The following GRIN2B variants were observed in gnomAD, a reference collection of about 807,000 sequenced individuals.
GRIN2B encodes the protein glutamate ionotropic receptor NMDA type subunit 2B.
A neutral mutation model predicts 114.5 loss-of-function variants in GRIN2B; 5 were observed. The ratio of observed to expected loss-of-function variants is 0.04; its 90% CI spans 0.02 to 0.09. The LOEUF (loss-of-function observed/expected upper bound fraction) is 0.09, where lower values mean the gene tolerates loss of function less well. Ranked by LOEUF, GRIN2B falls within the 10% of genes least tolerant of loss-of-function variation. GRIN2B has a pLI of 1.00. For synonymous variants in GRIN2B, 787 were observed against 745.1 expected (o/e 1.06, Z -0.92); for missense variants, 1,108 against 1,943.5 (o/e 0.57, Z 8.08).
intron 4 of GRIN2B, among the ~76,000 whole-genome samples, chr12:13,717,264 A>C (rs909940553): frequency 6.6e-6 from 1 of 151,944 alleles, no homozygotes; most frequent in African/African-American, 2.4e-5. Context: ...GGCCGACTCT[A>C]AAATATACTG....
intron 5 of GRIN2B, among the ~76,000 whole-genome samples, chr12:13,647,287 T>C (rs1407641957): frequency 2.0e-5 from 3 of 152,088 alleles, no homozygotes; most frequent in Non-Finnish European, 2.9e-5. Flanking sequence ...AAGAGGAAAT[T>C]AAGCTTTGGA....
chr12:13,638,643 G>C (rs77910032), intron 5 of GRIN2B, among the ~76,000 whole-genome samples: 4,275 of 152,150 alleles, frequency 0.028, 76 homozygotes, highest in South Asian at 0.077. Context: ...GTCCATCTCT[G>C]TTTGAACTCT....
At chr12:13,790,192 T>C (rs1864296675) in intron 3 of GRIN2B, among the ~76,000 whole-genome samples, 1 of 152,114 alleles carries the variant, frequency 6.6e-6, no homozygotes, top group Non-Finnish European at 1.5e-5. Flanking sequence ...CTGTAGTAAA[T>C]CTCTAAGCCT....
At chr12:13,633,694 C>T (rs992838721) in intron 5 of GRIN2B, among the ~76,000 whole-genome samples, 1 of 152,188 alleles carries the variant, frequency 6.6e-6, no homozygotes, top group Admixed American at 6.5e-5. Context: ...CTGGTCTTAA[C>T]TTATATCTTT....
chr12:13,855,721 AG>A (rs1361054794), intron 3 of GRIN2B, among the ~76,000 whole-genome samples: 2 of 152,250 alleles, frequency 1.3e-5, no homozygotes, highest in African/African-American at 4.8e-5. Flanking sequence ...AAATAATTCA[AG>A]ATGATCTCAT....
intron 3 of GRIN2B, among the ~76,000 whole-genome samples, chr12:13,803,800 G>A (rs220573): frequency 0.38 from 58,321 of 151,904 alleles, 11,434 homozygotes; most frequent in East Asian, 0.55. Context: ...CAACACACAT[G>A]TGGAAACAAC....
chr12:13,824,594 C>G (rs1864995863), intron 3 of GRIN2B, among the ~76,000 whole-genome samples: 1 of 152,122 alleles, frequency 6.6e-6, no homozygotes, highest in African/African-American at 2.4e-5. Flanking sequence ...GTGGCTCACG[C>G]CTGTAATCCC....
intron 2 of GRIN2B, among the ~76,000 whole-genome samples, chr12:13,941,865 A>T (rs1412594476): frequency 6.6e-6 from 1 of 152,248 alleles, no homozygotes; most frequent in Admixed American, 6.5e-5. Flanking sequence ...CCCAACTGTG[A>T]CTAATTCTAT....
intron 4 of GRIN2B, among the ~76,000 whole-genome samples, chr12:13,713,414 G>A (rs1484381475): frequency 2.0e-5 from 3 of 151,834 alleles, no homozygotes; most frequent in Non-Finnish European, 2.9e-5. Flanking sequence ...ACGAAGACAG[G>A]CAGTATGACT....
intron 2 of GRIN2B, among the ~76,000 whole-genome samples, chr12:13,914,638 T>G (rs73059608): frequency 0.1 from 15,824 of 152,244 alleles, 1,093 homozygotes; most frequent in Middle Eastern, 0.21. Context: ...CATTGTAGCA[T>G]GATTCACAAT....
At chr12:13,627,283 C>T in intron 5 of GRIN2B, among the ~76,000 whole-genome samples, 1 of 152,112 alleles carries the variant, frequency 6.6e-6, no homozygotes, top group East Asian at 1.9e-4. Flanking sequence ...ATCCAGTATC[C>T]TATCATACAG....
In GRIN2B at chr12:13,571,973, AGAAAGACAGATAGAGACAGAGC is replaced by A; in HGVS notation, c.2011-31_2011-10del. 6.2e-7 allele frequency: 1 copy of A among 1,610,752 alleles called. No individual in the cohort carries two copies. Among genetic ancestry groups the A allele is most frequent in the South Asian group, 1.1e-5 (1 of 90,816 alleles). Reference sequence around the variant, plus strand: ...TCATTAGGTCTCTGGAACTGGAGAGAGAAAGACAGATAGAGACAGAGCGGGAGATGGAGGGAGAGAGAGAGAG... The same window carrying A: ...TCATTAGGTCTCTGGAACTGGAGAGAGGGAGATGGAGGGAGAGAGAGAGAG... On this transcript the variant is annotated splice_polypyrimidine_tract_variant and intron_variant, in intron 10 of 13. Coordinates refer to ENST00000609686, the MANE Select transcript of GRIN2B (RefSeq NM_000834.5).
chr12:13,609,885 C>T (rs1374360177), intron 9 of GRIN2B: 2 of 152,278 alleles, frequency 1.3e-5, no homozygotes, highest in African/African-American at 4.8e-5. Flanking sequence ...TGATTTCCCC[C>T]CACCTAACCT....
At chr12:13,684,748 G>GA (rs1950162326) in intron 4 of GRIN2B, among the ~76,000 whole-genome samples, 1 of 152,154 alleles carries the variant, frequency 6.6e-6, no homozygotes, top group Non-Finnish European at 1.5e-5. Flanking sequence ...CAGTATGTTG[G>GA]AATGCAGCCC....
chr12:13,609,183 C>T (rs1220040912), intron 9 of GRIN2B, among the ~76,000 whole-genome samples: 1 of 152,146 alleles, frequency 6.6e-6, no homozygotes, highest in Non-Finnish European at 1.5e-5. Context: ...CCAACTATGT[C>T]ACTATGGTCA....
Position 13,954,823 on chromosome 12 carries a change from A to AAAAAAAAAAAAAAAAAAAAAC in GRIN2B, c.-19+25104_-19+25105insGTTTTTTTTTTTTTTTTTTTT, listed in dbSNP as rs1565599383. On this transcript the variant is annotated intron_variant, in intron 2 of 13. Coordinates refer to ENST00000609686, the MANE Select transcript of GRIN2B (RefSeq NM_000834.5). ...GACTCCGTCTCAGGAAAAAAAAAAA[A>AAAAAAAAAAAAAAAAAAAAAC]AAAAAACTTTTTCTTCTTTGAAGGG... 3.4e-5 allele frequency among the ~76,000 whole-genome samples: 5 copies of AAAAAAAAAAAAAAAAAAAAAC among 147,778 alleles called. 1 individual carries two copies. Among genetic ancestry groups the AAAAAAAAAAAAAAAAAAAAAC allele is most frequent in the African/African-American group, 1.2e-4 (5 of 40,566 alleles).
intron 3 of GRIN2B, among the ~76,000 whole-genome samples, chr12:13,837,344 C>A (rs571697124): frequency 1.9e-4 from 29 of 152,352 alleles, no homozygotes; most frequent in African/African-American, 6.3e-4. Context: ...GCCCAAACCA[C>A]AGTCCCCCTG....
At chr12:13,841,113 T>C (rs1193994061) in intron 3 of GRIN2B, among the ~76,000 whole-genome samples, 1 of 152,128 alleles carries the variant, frequency 6.6e-6, no homozygotes, top group Non-Finnish European at 1.5e-5. Flanking sequence ...AGCAGCCTAG[T>C]TGTAGATAAA....
intron 10 of GRIN2B, among the ~76,000 whole-genome samples, chr12:13,573,338 C>G (rs1948730691): frequency 6.7e-6 from 1 of 148,820 alleles, no homozygotes; most frequent in Non-Finnish European, 1.5e-5. Context: ...GTAGTCCCAG[C>G]TACTCCGGAG....
Sources: allele counts gnomAD v4.1 joint callset (sites outside exome capture counted in the v4.1 genomes callset), GRCh38; gene constraint gnomAD v4.1.1; transcripts MANE v1.5; gene names NCBI Gene and HGNC (gene_info 2026-07-23, HGNC 2026-07-21).